The following RHOG variants were observed in gnomAD, a reference collection of about 807,000 sequenced individuals.
RHOG encodes the protein ras homolog family member G, also known as rho-related GTP-binding protein RhoG.
Under a neutral mutation model 12.3 loss-of-function variants are expected in RHOG, and 1 was observed. The ratio of observed to expected loss-of-function variants is 0.08; its 90% CI spans 0.03 to 0.39. The LOEUF (loss-of-function observed/expected upper bound fraction) is 0.39. RHOG is among the 10% of genes least tolerant of loss of function. The pLI is 0.99. For missense variants in RHOG, 114 were observed against 266.2 expected, an observed-to-expected ratio of 0.43 and a Z score of 3.98; for synonymous variants, 129 against 116.0, an observed-to-expected ratio of 1.11 and a Z score of -0.72.
intron 1 of RHOG, among the ~76,000 whole-genome samples, chr11:3,835,434 G>C (rs567137554): frequency 1.3e-5 from 2 of 151,900 alleles, no homozygotes; most frequent in Non-Finnish European, 2.9e-5. Context: ...GGATGCTTCA[G>C]GGGGAGGGTA....
chr11:3,839,602 A>ACACACACACACACACAC (rs2090178871), intron 1 of RHOG, among the ~76,000 whole-genome samples: 1 of 141,598 alleles, frequency 7.1e-6, no homozygotes, highest in Non-Finnish European at 1.5e-5. Flanking sequence ...CACACACGCA[A>ACACACACACACACACAC]ACACACACAC....
intron 1 of RHOG, among the ~76,000 whole-genome samples, chr11:3,828,777 C>A (rs528502191): frequency 2.0e-5 from 3 of 151,784 alleles, no homozygotes; most frequent in Admixed American, 2.0e-4. Context: ...CCCACCACCA[C>A]GCCCGGCTAA....
At chr11:3,838,380 A>T (rs1462329895) in intron 1 of RHOG, among the ~76,000 whole-genome samples, 1 of 152,150 alleles carries the variant, frequency 6.6e-6, no homozygotes, top group African/African-American at 2.4e-5. Flanking sequence ...TTACCATCAG[A>T]GCCCTGTGGG....
At chr11:3,831,312 T>C (rs948777399) in intron 1 of RHOG, among the ~76,000 whole-genome samples, 1 of 152,216 alleles carries the variant, frequency 6.6e-6, no homozygotes, top group African/African-American at 2.4e-5. Flanking sequence ...GGCTACAGTT[T>C]GCCTTGGAAT....
chr11:3,833,621 C>CT (rs2135137736), intron 1 of RHOG, among the ~76,000 whole-genome samples: 1 of 152,296 alleles, frequency 6.6e-6, no homozygotes, highest in South Asian at 2.1e-4. Context: ...ATTTGCCTCT[C>CT]TAAGCTTCAA....
intron 1 of RHOG, among the ~76,000 whole-genome samples, chr11:3,834,011 C>T (rs2090143829): frequency 1.3e-5 from 2 of 152,180 alleles, no homozygotes; most frequent in Non-Finnish European, 1.5e-5. Context: ...CAATCTCCAC[C>T]TCCCGGGTTC....
At chr11:3,836,385 TC>T (rs2090156583) in intron 1 of RHOG, among the ~76,000 whole-genome samples, 1 of 101,376 alleles carries the variant, frequency 9.9e-6, no homozygotes, top group South Asian at 3.2e-4. Context: ...AAAGAAAAAA[TC>T]CATGCTGGAG....
chr11:3,827,461 G>T lies in RHOG; in HGVS notation c.*102C>A. ...GGCATTCAGGGAACCCCCTGGAAAGGGGTGCCAGAATTAGTCCTTAAGGCA... is the reference window on the plus strand; with the variant it reads ...GGCATTCAGGGAACCCCCTGGAAAGTGGTGCCAGAATTAGTCCTTAAGGCA... On this transcript the variant is annotated 3_prime_UTR_variant, in exon 2 of 2. Coordinates refer to ENST00000351018, the MANE Select transcript of RHOG (RefSeq NM_001665.4). This position sits in a 1 kb window ranked among gnomAD's most constrained non-coding sequence, Gnocchi z 7.3. The T allele has an allele frequency of 1.1e-6, 1 of 920,628 alleles. No homozygotes were observed. Among genetic ancestry groups the T allele is most frequent in the Non-Finnish European group, 1.6e-6 (1 of 613,158 alleles). The allele number at this position is 920,628 out of a possible 1,614,324, so 57.0% of individuals were successfully genotyped here. A position where few individuals can be genotyped will look rare whatever the true frequency, so the allele number is the denominator to read the frequency against.
intron 1 of RHOG, among the ~76,000 whole-genome samples, chr11:3,828,781 C>T (rs1053244490): frequency 9.2e-5 from 14 of 151,698 alleles, no homozygotes; most frequent in East Asian, 3.9e-4. Flanking sequence ...CCACCACGCC[C>T]GGCTAATTTT....
chr11:3,838,172 C>T (rs1039667695), intron 1 of RHOG, among the ~76,000 whole-genome samples: 3 of 152,212 alleles, frequency 2.0e-5, no homozygotes, highest in Admixed American at 1.3e-4. Flanking sequence ...CAACCTTGAC[C>T]ATACCTGTTT....
chr11:3,835,231 G>C (rs1448259439), intron 1 of RHOG, among the ~76,000 whole-genome samples: 1 of 152,142 alleles, frequency 6.6e-6, no homozygotes, highest in Non-Finnish European at 1.5e-5. Flanking sequence ...GTAAATGACT[G>C]AATGAAGTCG....
chr11:3,836,380 A>AAG (rs2090156549), intron 1 of RHOG, among the ~76,000 whole-genome samples: 1 of 148,148 alleles, frequency 6.8e-6, no homozygotes, highest in Non-Finnish European at 1.5e-5. Context: ...AAAAGAAAGA[A>AAG]AAAATCCATG....
chr11:3,831,420 G>A (rs952157276), intron 1 of RHOG, among the ~76,000 whole-genome samples: 10 of 152,040 alleles, frequency 6.6e-5, no homozygotes, highest in Admixed American at 6.6e-4. Flanking sequence ...GAGAGTGTGT[G>A]TGTGTGTTTG....
chr11:3,830,340 T>C (rs944911823), intron 1 of RHOG, among the ~76,000 whole-genome samples: 13 of 152,292 alleles, frequency 8.5e-5, no homozygotes, highest in African/African-American at 3.1e-4. Flanking sequence ...TAATCTTGCC[T>C]ATTGCATTAC....
At chr11:3,836,796 G>A (rs2090159507) in intron 1 of RHOG, among the ~76,000 whole-genome samples, 1 of 150,756 alleles carries the variant, frequency 6.6e-6, no homozygotes, top group Non-Finnish European at 1.5e-5. Flanking sequence ...CCCGCTACCT[G>A]GGAGGCTGAC....
At chr11:3,837,046 G>C (rs1051520678) in intron 1 of RHOG, among the ~76,000 whole-genome samples, 1 of 151,596 alleles carries the variant, frequency 6.6e-6, no homozygotes. Context: ...CCTAGCAGCA[G>C]CTCAGCAGTC....
At chr11:3,835,327 G>C (rs2090150228) in intron 1 of RHOG, among the ~76,000 whole-genome samples, 1 of 152,174 alleles carries the variant, frequency 6.6e-6, no homozygotes, top group Admixed American at 6.5e-5. Context: ...TTCAGGCCCA[G>C]TACTGTTCCC....
chr11:3,829,009 G>A (rs886294513), intron 1 of RHOG, among the ~76,000 whole-genome samples: 1 of 151,960 alleles, frequency 6.6e-6, no homozygotes, highest in East Asian at 1.9e-4. Context: ...ACTAAATATG[G>A]ACCCTTTCCA....
intron 1 of RHOG, 126 bp downstream of exon 1, chr11:3,840,768 T>TTC (rs2090188521): frequency 6.6e-6 from 1 of 151,618 alleles, no homozygotes; most frequent in African/African-American, 2.4e-5. Context: ...CTACTTGGAC[T>TTC]GAACCGAGAA....
Sources: gnomAD v4.1 joint callset for allele counts (sites outside exome capture counted in the v4.1 genomes callset) on GRCh38, gnomAD v4.1.1 for gene constraint, Gnocchi (gnomAD v3.1) non-coding constraint, MANE v1.5 for transcripts, NCBI Gene and HGNC (gene_info 2026-07-23, HGNC 2026-07-21) for gene names.